The following GPC6 variants were observed in gnomAD, a reference collection of about 807,000 sequenced individuals.
The protein encoded by GPC6 is glypican-6.
GPC6 carries 14 observed loss-of-function variants against 55.2 expected under a neutral mutation model. That is an observed-to-expected ratio of 0.25 (90% CI 0.17 to 0.40). GPC6 has a LOEUF of 0.40. GPC6 is among the 10% of genes least tolerant of loss of function. The probability of loss-of-function intolerance (pLI) is 1.00; values close to 1 mark genes in which losing one functional copy is unlikely to be tolerated. For synonymous variants in GPC6, 278 were observed against 259.6 expected (o/e 1.07, Z -0.68); for missense variants, 641 against 708.5 (o/e 0.90, Z 1.08).
chr13:93,782,801 A>G (rs1202663869), intron 2 of GPC6, among the ~76,000 whole-genome samples: 1 of 152,012 alleles, frequency 6.6e-6, no homozygotes, highest in Non-Finnish European at 1.5e-5. Context: ...ATATATTTGC[A>G]GTTGAATTAT....
intron 3 of GPC6, among the ~76,000 whole-genome samples, chr13:93,959,885 G>T (rs1423294468): frequency 6.6e-6 from 1 of 152,182 alleles, no homozygotes; most frequent in East Asian, 1.9e-4. Flanking sequence ...CAGCTAGTAA[G>T]TGTCAAAGCT....
At chr13:94,205,349 T>G (rs912103311) in intron 4 of GPC6, among the ~76,000 whole-genome samples, 1 of 152,200 alleles carries the variant, frequency 6.6e-6, no homozygotes, top group Non-Finnish European at 1.5e-5. Context: ...TCTCAAATGG[T>G]CATTACGTTT....
At chr13:94,256,384 G>A (rs899141042) in intron 4 of GPC6, among the ~76,000 whole-genome samples, 2 of 152,042 alleles carry the variant, frequency 1.3e-5, no homozygotes, top group African/African-American at 4.8e-5. Context: ...GTTTTTCCTG[G>A]GTGCATAAGA....
At position 93,843,568 on chromosome 13, in the gene GPC6, G is replaced by C. The variant is rs375240685; in HGVS notation, c.711+13023G>C. ...GTGGACCTTGGTCCAAACTGGCCCAGTTGTATAAAAAAACATAATTTATTT... is the reference window on the plus strand; with the variant it reads ...GTGGACCTTGGTCCAAACTGGCCCACTTGTATAAAAAAACATAATTTATTT... On this transcript the variant is annotated intron_variant, in intron 3 of 8. Transcript: ENST00000377047. 8.3e-4 allele frequency among the ~76,000 whole-genome samples: 126 copies of C among 152,220 alleles called. 1 individual carries two copies. The highest frequency in any genetic ancestry group is 3.0e-3 in the African/African-American group (123 of 41,560).
intron 2 of GPC6, among the ~76,000 whole-genome samples, chr13:93,709,575 T>G (rs951423271): frequency 1.3e-5 from 2 of 151,986 alleles, no homozygotes; most frequent in African/African-American, 4.8e-5. Flanking sequence ...CCTTTCTTCC[T>G]ACTGAAATTC....
intron 2 of GPC6, among the ~76,000 whole-genome samples, chr13:93,692,699 C>G (rs1214134532): frequency 1.3e-5 from 2 of 152,008 alleles, no homozygotes; most frequent in Admixed American, 6.6e-5. Context: ...TCTTCACTCA[C>G]TAGAATTTAT....
intron 1 of GPC6, among the ~76,000 whole-genome samples, chr13:93,471,358 C>CAAAA (rs59410717): frequency 8.1e-6 from 1 of 123,154 alleles, no homozygotes; most frequent in African/African-American, 3.1e-5. Context: ...TCTAAAAATA[C>CAAAA]AAAAAAAAAA....
At position 93,465,800 on chromosome 13, in the gene GPC6, C is replaced by CTTTCAATGTGCCTT. The variant is rs1220878753; in HGVS notation, c.161-79462_161-79449dup. On this transcript the variant is annotated intron_variant, in intron 1 of 8. Coordinates refer to ENST00000377047, the MANE Select transcript of GPC6 (RefSeq NM_005708.5). ...GGCCTAGCCTTTTGGCCTTTCTCAG[C>CTTTCAATGTGCCTT]TTTCAATGTGCCTTAATCGCTAAGC... Among the ~76,000 whole-genome samples, 3 of 152,228 alleles carry CTTTCAATGTGCCTT rather than the reference C, an allele frequency of 2.0e-5. No individual in the cohort carries two copies. The East Asian group carries it at 5.8e-4, about 29-fold the overall frequency.
intron 1 of GPC6, among the ~76,000 whole-genome samples, chr13:93,506,876 TA>T (rs55983340): frequency 7.4e-6 from 1 of 135,334 alleles, no homozygotes; most frequent in Non-Finnish European, 1.5e-5. Context: ...CTGTCTCTAC[TA>T]AAAAAAAAAG....
chr13:93,379,370 G>A (rs1010536308), intron 1 of GPC6, among the ~76,000 whole-genome samples: 8 of 152,202 alleles, frequency 5.3e-5, no homozygotes, highest in African/African-American at 1.9e-4. Context: ...TGTCTAGAAT[G>A]TTGGACTGAT....
intron 4 of GPC6, among the ~76,000 whole-genome samples, chr13:94,151,756 T>A (rs1049243245): frequency 2.6e-5 from 4 of 152,024 alleles, no homozygotes; most frequent in Non-Finnish European, 4.4e-5. Context: ...CGAAAGGGCA[T>A]CCCTAAACAA....
chr13:94,294,276 C>T (rs59455781), intron 5 of GPC6, among the ~76,000 whole-genome samples: 1 of 152,012 alleles, frequency 6.6e-6, no homozygotes, highest in Non-Finnish European at 1.5e-5. Flanking sequence ...CAGAGATAAT[C>T]TAAATTAAGA....
intron 1 of GPC6, among the ~76,000 whole-genome samples, chr13:93,476,383 C>T (rs992116930): frequency 6.6e-6 from 1 of 152,100 alleles, no homozygotes; most frequent in Non-Finnish European, 1.5e-5. Context: ...TGACTTCTCT[C>T]CAGTCTTAGT....
intron 3 of GPC6, chr13:93,836,105 T>C (rs1399384932): frequency 6.6e-6 from 1 of 152,216 alleles, no homozygotes; most frequent in Non-Finnish European, 1.5e-5. Context: ...GCCTCTTAAG[T>C]GGTTCATTCC....
chr13:93,983,626 G>A (rs992934851), intron 3 of GPC6, among the ~76,000 whole-genome samples: 1 of 151,876 alleles, frequency 6.6e-6, no homozygotes, highest in Non-Finnish European at 1.5e-5. Flanking sequence ...TAGTAGCAAA[G>A]GCATTCATAG....
intron 1 of GPC6, among the ~76,000 whole-genome samples, chr13:93,396,526 G>A (rs779015213): frequency 6.6e-5 from 10 of 151,822 alleles, no homozygotes; most frequent in Non-Finnish European, 1.3e-4. Flanking sequence ...TCATGCCTGG[G>A]CATGATACTC....
intron 3 of GPC6, among the ~76,000 whole-genome samples, chr13:93,851,969 A>G (rs547490992): frequency 1.3e-5 from 2 of 151,880 alleles, no homozygotes; most frequent in South Asian, 4.1e-4. Flanking sequence ...TTGGTAAGCA[A>G]TAGCAGATTC....
chr13:93,722,480 A>G (rs1489890798), intron 2 of GPC6, among the ~76,000 whole-genome samples: 1 of 151,848 alleles, frequency 6.6e-6, no homozygotes, highest in Non-Finnish European at 1.5e-5. Context: ...CCTAAGTCTT[A>G]CTAGTGCCCC....
chr13:94,132,464 G>A (rs1887034853), intron 4 of GPC6, among the ~76,000 whole-genome samples: 1 of 152,092 alleles, frequency 6.6e-6, no homozygotes, highest in Non-Finnish European at 1.5e-5. Flanking sequence ...TCTGACAGAC[G>A]CTGTAGCCTC....
Sources: gnomAD v4.1 joint callset for allele counts (sites outside exome capture counted in the v4.1 genomes callset) on GRCh38, gnomAD v4.1.1 for gene constraint, MANE v1.5 for transcripts, NCBI Gene and HGNC (gene_info 2026-07-23, HGNC 2026-07-21) for gene names.